Variants in RAB7A observed in about 807,000 individuals in gnomAD.
RAB7A encodes the protein ras-related protein Rab-7a.
A neutral mutation model predicts 24.5 loss-of-function variants in RAB7A; 2 were observed. The ratio of observed to expected loss-of-function variants is 0.08; its 90% CI spans 0.03 to 0.26. The LOEUF is 0.26. RAB7A is among the 10% of genes least tolerant of loss of function. The pLI, the probability that RAB7A is intolerant of heterozygous loss-of-function variation, is 1.00. For missense variants in RAB7A, 118 were observed against 255.7 expected (o/e 0.46, Z 3.67); for synonymous variants, 100 against 95.9 (o/e 1.04, Z -0.25).
chr3:128,748,217 G>A (rs1483604482), intron 1 of RAB7A, among the ~76,000 whole-genome samples: 2 of 152,220 alleles, frequency 1.3e-5, no homozygotes, highest in African/African-American at 2.4e-5. Context: ...GGGGACAGGT[G>A]ACTCCTTCTG....
rs201873854 is a variant in RAB7A at position 128,737,905 on chromosome 3, G to A, written c.-9+11546G>A. ...TGCCTAGGCTTGTCTCAAACTCTAG[G>A]CCTCAAGTGATCCTCCTATTTTGGC... On this transcript the variant is annotated intron_variant, in intron 1 of 5. Transcript: ENST00000265062. 3.7e-5 allele frequency among the ~76,000 whole-genome samples: 5 copies of A among 136,068 alleles called. No homozygotes were observed. The East Asian group carries it at 9.9e-4, about 27-fold the overall frequency. The allele number at this position is 136,068 out of a possible 152,430, so 89.3% of individuals were successfully genotyped here.
At chr3:128,779,434 GTGGC>G (rs1933167568) in intron 1 of RAB7A, among the ~76,000 whole-genome samples, 1 of 151,756 alleles carries the variant, frequency 6.6e-6, no homozygotes, top group African/African-American at 2.4e-5. Flanking sequence ...GAGATTCATT[GTGGC>G]TGAGTTTCAG....
intron 2 of RAB7A, among the ~76,000 whole-genome samples, 164 bp downstream of exon 2, chr3:128,795,584 C>G (rs1237977907): frequency 6.6e-6 from 1 of 151,854 alleles, no homozygotes; most frequent in Non-Finnish European, 1.5e-5. Context: ...TGTTATATAA[C>G]CTTTTGTTCT....
rs547341792 is a variant in RAB7A at position 128,736,239 on chromosome 3, C to T, written c.-9+9880C>T. 2.6e-5 allele frequency among the ~76,000 whole-genome samples: 4 copies of T among 151,968 alleles called. No homozygotes were observed. The South Asian group carries it at 6.2e-4, about 24-fold the overall frequency. ...CCACTGTGTGTTAGTGGGACTGGGA[C>T]TAGCATCCAGTATTCCAAGTTGACA... On this transcript the variant is annotated intron_variant, in intron 1 of 5. Transcript: ENST00000265062.
At chr3:128,784,934 A>G (rs918575734) in intron 1 of RAB7A, among the ~76,000 whole-genome samples, 2 of 147,252 alleles carry the variant, frequency 1.4e-5, no homozygotes, top group African/African-American at 5.0e-5. Flanking sequence ...TAAGAGTTCT[A>G]TTCATGGCAT....
chr3:128,743,942 C>T (rs572157807), intron 1 of RAB7A, among the ~76,000 whole-genome samples: 5 of 152,072 alleles, frequency 3.3e-5, no homozygotes, highest in African/African-American at 1.2e-4. Flanking sequence ...GCGCCCACCA[C>T]CACACCCAGC....
intron 1 of RAB7A, among the ~76,000 whole-genome samples, chr3:128,740,421 T>G (rs2070541128): frequency 6.6e-6 from 1 of 152,200 alleles, no homozygotes; most frequent in Non-Finnish European, 1.5e-5. Flanking sequence ...TTCCTTAAGA[T>G]TTAGTGAGTA....
intron 1 of RAB7A, among the ~76,000 whole-genome samples, chr3:128,758,413 C>T (rs930942336): frequency 1.3e-5 from 2 of 151,426 alleles, no homozygotes; most frequent in African/African-American, 4.9e-5. Flanking sequence ...GGTGGGACTA[C>T]AGGCGCCCGC....
At chr3:128,806,269 G>T in intron 3 of RAB7A, 103 bp from the exon 4 acceptor site, 1 of 1,003,854 alleles carries the variant, frequency 1.0e-6, no homozygotes, top group Non-Finnish European at 1.5e-6. Flanking sequence ...GTCTTTGTGG[G>T]TGGCCCCACA....
intron 1 of RAB7A, among the ~76,000 whole-genome samples, chr3:128,759,132 C>T (rs2070756356): frequency 6.6e-6 from 1 of 152,148 alleles, no homozygotes; most frequent in Non-Finnish European, 1.5e-5. Context: ...GGTCTCTGGC[C>T]ATGAAATATG....
chr3:128,772,083 A>C (rs905490412), intron 1 of RAB7A, among the ~76,000 whole-genome samples: 1 of 152,218 alleles, frequency 6.6e-6, no homozygotes, highest in African/African-American at 2.4e-5. Context: ...AGCAGTTACA[A>C]CCAGTTCAGG....
chr3:128,730,621 G>GT (rs879823720), intron 1 of RAB7A, among the ~76,000 whole-genome samples: 5 of 152,274 alleles, frequency 3.3e-5, no homozygotes, highest in Admixed American at 2.0e-4. Context: ...ATCAAAACAA[G>GT]TTTTTTAGCA....
At chr3:128,756,712 A>G (rs911309675) in intron 1 of RAB7A, among the ~76,000 whole-genome samples, 1 of 152,190 alleles carries the variant, frequency 6.6e-6, no homozygotes, top group Non-Finnish European at 1.5e-5. Context: ...TCTTGAAAAC[A>G]CACAACCAAG....
At chr3:128,768,969 CTTTTTTTTTT>C (rs35457218) in intron 1 of RAB7A, among the ~76,000 whole-genome samples, 8 of 72,614 alleles carry the variant, frequency 1.1e-4, no homozygotes, top group South Asian at 6.6e-4. Flanking sequence ...TCTTTCTTTC[CTTTTTTTTTT>C]TTTTTTTTTT....
At chr3:128,790,387 G>A (rs1010106041) in intron 1 of RAB7A, among the ~76,000 whole-genome samples, 2 of 152,192 alleles carry the variant, frequency 1.3e-5, no homozygotes, top group Admixed American at 6.5e-5. Flanking sequence ...TTTCTCCAAA[G>A]TGGAGGTGGC....
At position 128,783,102 on chromosome 3, in the gene RAB7A, C is replaced by CT. The variant is rs988183350; in HGVS notation, c.-8-12257dup. 5.8e-4 allele frequency among the ~76,000 whole-genome samples: 88 copies of CT among 152,294 alleles called. 1 individual carries two copies. Among genetic ancestry groups the CT allele is most frequent in the Middle Eastern group, 6.8e-3 (2 of 294 alleles). ...CTTACTTGGCCTCTGGGCATGTCCA[C>CT]TGTCCCTGCACAATTGTTTACCAAG... On this transcript the variant is annotated intron_variant, in intron 1 of 5. Transcript: ENST00000265062.
Position 128,777,409 on chromosome 3 carries a change from C to G in RAB7A, c.-8-17951C>G, listed in dbSNP as rs373038022. ...TAGAGATGGGGTCTCCCTATGTGGC[C>G]CAGGCTGTTCTTAAACTCCTGGGTT... On this transcript the variant is annotated intron_variant, in intron 1 of 5. Coordinates refer to ENST00000265062, the MANE Select transcript of RAB7A (RefSeq NM_004637.6). Among the ~76,000 whole-genome samples, 17 of 152,130 alleles carry G rather than the reference C, an allele frequency of 1.1e-4. 1 individual carries two copies. The highest frequency in any genetic ancestry group is 3.3e-4 in the Admixed American group (5 of 15,284).
At chr3:128,795,074 A>G (rs1052249914) in intron 1 of RAB7A, among the ~76,000 whole-genome samples, 2 of 152,140 alleles carry the variant, frequency 1.3e-5, no homozygotes, top group African/African-American at 4.8e-5. Context: ...ATTAGTTCAA[A>G]TTGCCAATCC....
intron 2 of RAB7A, among the ~76,000 whole-genome samples, chr3:128,797,012 G>A (rs937202126): frequency 1.3e-5 from 2 of 152,098 alleles, no homozygotes; most frequent in East Asian, 3.9e-4. Context: ...CAGACCAGTG[G>A]GCTAGGGCCT....
Sources: gnomAD v4.1 joint callset for allele counts (sites outside exome capture counted in the v4.1 genomes callset) on GRCh38, gnomAD v4.1.1 for gene constraint, MANE v1.5 for transcripts, NCBI Gene and HGNC (gene_info 2026-07-23, HGNC 2026-07-21) for gene names.